Variants in MAML3 observed in about 807,000 individuals in gnomAD.
The protein encoded by MAML3 is mastermind like transcriptional coactivator 3.
A neutral mutation model predicts 101.9 loss-of-function variants in MAML3; 27 were observed. The observed-to-expected ratio is 0.27, with a 90% CI of 0.20 to 0.37. The LOEUF (loss-of-function observed/expected upper bound fraction) is 0.37, where lower values mean the gene tolerates loss of function less well. Ranked by LOEUF, MAML3 falls within the 10% of genes least tolerant of loss-of-function variation. MAML3 has a pLI of 1.00. For missense variants in MAML3, 1,316 were observed against 1,444.9 expected (o/e 0.91, Z 1.45); for synonymous variants, 501 against 555.9 (o/e 0.90, Z 1.39).
At chr4:139,829,028 CGG>C (rs1560806741) in intron 2 of MAML3, among the ~76,000 whole-genome samples, 4 of 106,826 alleles carry the variant, frequency 3.7e-5, no homozygotes, top group East Asian at 5.1e-4. Context: ...GAAGGACGGA[CGG>C]ACGGACTAAG....
chr4:139,911,407 A>G (rs1732917480), intron 1 of MAML3, among the ~76,000 whole-genome samples: 1 of 152,102 alleles, frequency 6.6e-6, no homozygotes, highest in Non-Finnish European at 1.5e-5. Context: ...TAGTAGAGAC[A>G]GGATTTCACT....
rs1326448526 is a variant in MAML3 at position 140,067,431 on chromosome 4, CG to C, written c.468+85428del. On this transcript the variant is annotated intron_variant, in intron 1 of 4. Transcript: ENST00000509479. The stretch of plus-strand genomic sequence containing the variant: ...CAAGGTTAGGGAGGGAGACAGCATA[CG>C]TATTATTTACAATAAAACTTGCTAA... Among the ~76,000 whole-genome samples, 3 of 152,066 alleles carry C rather than the reference CG, an allele frequency of 2.0e-5. No individual in the cohort carries two copies. In the East Asian group the frequency reaches 5.8e-4, roughly 29 times the overall value.
At chr4:140,127,173 C>G (rs948157030) in intron 1 of MAML3, among the ~76,000 whole-genome samples, 1 of 152,246 alleles carries the variant, frequency 6.6e-6, no homozygotes, top group African/African-American at 2.4e-5. Flanking sequence ...CCAGCCTCTT[C>G]TTCCACCACT....
chr4:140,056,771 T>C (rs10016266), intron 1 of MAML3, among the ~76,000 whole-genome samples: 86,876 of 149,360 alleles, frequency 0.58, 26,021 homozygotes, highest in East Asian at 0.94. Context: ...GATGTGCCAC[T>C]GCACTCTCCA....
chr4:139,994,215 T>C (rs541131202), intron 1 of MAML3, among the ~76,000 whole-genome samples: 4 of 152,368 alleles, frequency 2.6e-5, no homozygotes, highest in South Asian at 4.1e-4. Context: ...TCTCTCCATT[T>C]ACTAAGATCT....
Position 139,791,927 on chromosome 4 carries a change from C to T in MAML3, c.2080-61260G>A, listed in dbSNP as rs17050909. On this transcript the variant is annotated intron_variant, in intron 2 of 4. Transcript: ENST00000509479. Reference sequence around the variant, plus strand: ...GAACAGCCCACTGCAGACAGGTGGACATGGTAATTACGGAGGCTCCATCTG... The same window carrying T: ...GAACAGCCCACTGCAGACAGGTGGATATGGTAATTACGGAGGCTCCATCTG... Among the ~76,000 whole-genome samples the T allele has an allele frequency of 4.2e-3, 639 of 152,290 alleles. 4 individuals carry two copies. The highest frequency in any genetic ancestry group is 0.015 in the African/African-American group (608 of 41,552).
chr4:139,841,428 A>T (rs1731358447), intron 2 of MAML3, among the ~76,000 whole-genome samples: 1 of 152,226 alleles, frequency 6.6e-6, no homozygotes, highest in African/African-American at 2.4e-5. Context: ...TCAAACGAAG[A>T]AAAGATTTAA....
chr4:139,809,780 C>A (rs1287019322), intron 2 of MAML3, among the ~76,000 whole-genome samples: 1 of 152,112 alleles, frequency 6.6e-6, no homozygotes, highest in East Asian at 1.9e-4. Context: ...ACCTTCCTGA[C>A]TCCCACCTGG....
intron 2 of MAML3, among the ~76,000 whole-genome samples, chr4:139,812,115 T>C (rs758063869): frequency 1.3e-5 from 2 of 151,998 alleles, no homozygotes; most frequent in Non-Finnish European, 2.9e-5. Context: ...ACTAGCTGGG[T>C]GTGGTGGCAT....
chr4:140,090,248 T>C (rs1006889655), intron 1 of MAML3, among the ~76,000 whole-genome samples: 4 of 152,158 alleles, frequency 2.6e-5, no homozygotes, highest in Admixed American at 1.3e-4. Context: ...TTTTCCAGTG[T>C]GGAATATCCA....
chr4:139,848,625 A>G (rs540512997), intron 2 of MAML3, among the ~76,000 whole-genome samples: 1 of 152,204 alleles, frequency 6.6e-6, no homozygotes, highest in Non-Finnish European at 1.5e-5. Flanking sequence ...TCCCAAGCTA[A>G]GCAAAATAAT....
At chr4:139,972,625 T>C (rs1734250835) in intron 1 of MAML3, among the ~76,000 whole-genome samples, 1 of 152,218 alleles carries the variant, frequency 6.6e-6, no homozygotes, top group South Asian at 2.1e-4. Flanking sequence ...TTTGGGAAGA[T>C]GGCAATGTTC....
At chr4:139,864,938 T>TTTG (rs1560818212) in intron 2 of MAML3, among the ~76,000 whole-genome samples, 26 of 144,102 alleles carry the variant, frequency 1.8e-4, no homozygotes, top group Middle Eastern at 3.4e-3. Context: ...TTTTTTTTTT[T>TTTG]TTTTTTTTTT....
intron 1 of MAML3, among the ~76,000 whole-genome samples, chr4:139,913,495 T>C (rs553704184): frequency 1.8e-4 from 27 of 152,346 alleles, no homozygotes; most frequent in African/African-American, 5.8e-4. Context: ...TTTCCTACTT[T>C]TACACTTGAG....
At chr4:139,813,670 TA>T in intron 2 of MAML3, among the ~76,000 whole-genome samples, 1 of 152,018 alleles carries the variant, frequency 6.6e-6, no homozygotes. Context: ...AAATGGGGAC[TA>T]AACCAAGCCA....
At chr4:139,907,451 G>A (rs1732840501) in intron 1 of MAML3, among the ~76,000 whole-genome samples, 2 of 152,134 alleles carry the variant, frequency 1.3e-5, no homozygotes, top group South Asian at 4.1e-4. Context: ...TTACATCAGA[G>A]AACAAGAATT....
chr4:139,732,576 AT>A (rs5862431), intron 2 of MAML3, among the ~76,000 whole-genome samples: 139,237 of 146,064 alleles, frequency 0.95, 66,549 homozygotes, highest in Non-Finnish European at 0.99. Context: ...CTAGAACGCT[AT>A]TTTTTTTTTT....
intron 1 of MAML3, among the ~76,000 whole-genome samples, chr4:139,924,466 C>T (rs1169842584): frequency 6.6e-6 from 1 of 152,148 alleles, no homozygotes; most frequent in Non-Finnish European, 1.5e-5. Flanking sequence ...TAATTTGTAA[C>T]ACACGAAATG....
In MAML3 at chr4:140,153,799, A is replaced by T. The variant is rs552891679; in HGVS notation, c.-472T>A. On this transcript the variant is annotated 5_prime_UTR_variant, in exon 1 of 5. The change creates a premature stop within an existing upstream ORF in the 5' untranslated region. Coordinates refer to ENST00000509479, the MANE Select transcript of MAML3 (RefSeq NM_018717.5). ...TATGCCTCCAGTGCGGACACGCGCG[A>T]CACACACTCACTCCACACCGCATCG... is the stretch of plus-strand genomic sequence containing the variant. 3.6e-4 allele frequency: 55 copies of T among 154,672 alleles called. No individual in the cohort carries two copies. In the South Asian group the frequency reaches 5.5e-3, roughly 16 times the overall value. 9.6% of individuals were successfully genotyped at this position (154,672 alleles called of 1,614,324 possible).
Sources: allele counts gnomAD v4.1 joint callset (sites outside exome capture counted in the v4.1 genomes callset), GRCh38; gene constraint gnomAD v4.1.1; transcripts MANE v1.5; gene names NCBI Gene and HGNC (gene_info 2026-07-23, HGNC 2026-07-21).